The following ADAM18 variants were observed in gnomAD, a reference collection of about 807,000 sequenced individuals.
ADAM18 encodes ADAM metallopeptidase domain 18.
Under a neutral mutation model 94.4 loss-of-function variants are expected in ADAM18, and 117 were observed. The ratio of observed to expected loss-of-function variants is 1.24; its 90% CI spans 1.07 to 1.45. ADAM18 has a LOEUF of 1.45. Among genes scored for constraint, ADAM18 ranks in the 40% most tolerant of loss-of-function variants. The probability of loss-of-function intolerance (pLI) is 0.00; values close to 1 mark genes in which losing one functional copy is unlikely to be tolerated. For synonymous variants in ADAM18, 327 were observed against 291.6 expected, an observed-to-expected ratio of 1.12 and a Z score of -1.24; for missense variants, 936 against 880.0, an observed-to-expected ratio of 1.06 and a Z score of -0.81.
intron 2 of ADAM18, among the ~76,000 whole-genome samples, chr8:39,601,336 G>A (rs540336818): frequency 1.3e-5 from 2 of 152,220 alleles, no homozygotes; most frequent in Non-Finnish European, 2.9e-5. Flanking sequence ...TCTCAGTGAA[G>A]TGTTTACATC....
chr8:39,680,112 T>G lies in ADAM18; in HGVS notation c.1707T>G (p.Val569=). The part of the protein sequence containing the change: ...NANKSDAQST[V]YSYIQDHVCV... ...ATAAAAGTGACGCTCAATCTACAGT[T>G]TATTCATATATTCAAGACCATGTAT... is the stretch of plus-strand genomic sequence containing the variant. Residue 569 remains valine (V), a synonymous_variant, in exon 16 of 20, where the codon GTT becomes GTG. Transcript: ENST00000265707. 6.2e-7 allele frequency: 1 copy of G among 1,613,920 alleles called. No individual in the cohort carries two copies.
intron 17 of ADAM18, among the ~76,000 whole-genome samples, chr8:39,703,466 C>T (rs1822145785): frequency 6.6e-6 from 1 of 151,944 alleles, no homozygotes; most frequent in Non-Finnish European, 1.5e-5. Context: ...TATTTTAATG[C>T]CTTTATTTCT....
At chr8:39,711,118 A>G (rs932052710) in intron 18 of ADAM18, among the ~76,000 whole-genome samples, 1 of 152,150 alleles carries the variant, frequency 6.6e-6, no homozygotes, top group East Asian at 1.9e-4. Flanking sequence ...CCTGTTTTCC[A>G]AAAAGTCACT....
rs1037495428 is a variant in ADAM18, at chr8:39,585,313, G to C, written c.93G>C (p.Arg31=). The C allele has an allele frequency of 1.9e-6, 3 of 1,613,548 alleles. No individual in the cohort carries two copies. In the African/African-American group the frequency reaches 4.0e-5, roughly 22 times the overall value. ...EGIFLHVTVP[R]KIKSNDSEVS... ...TATTTCTGCATGTCACAGTTCCACGGAAGATTAAGTCAAATGACAGTGAAG... is the reference window on the plus strand; with the variant it reads ...TATTTCTGCATGTCACAGTTCCACGCAAGATTAAGTCAAATGACAGTGAAG... Residue 31 remains arginine, a synonymous_variant, in exon 2 of 20, where the codon CGG becomes CGC. Coordinates refer to ENST00000265707, the MANE Select transcript of ADAM18 (RefSeq NM_014237.3).
At chr8:39,597,636 T>G (rs910450854) in intron 2 of ADAM18, among the ~76,000 whole-genome samples, 19 of 152,188 alleles carry the variant, frequency 1.2e-4, no homozygotes, top group African/African-American at 4.3e-4. Flanking sequence ...ATTATTCTAT[T>G]TGTTTATTCT....
At chr8:39,584,737 T>G in intron 1 of ADAM18, 60 bp downstream of exon 1, 1 of 1,574,196 alleles carries the variant, frequency 6.4e-7, no homozygotes, top group Non-Finnish European at 8.7e-7. Flanking sequence ...GGGCTCTTAC[T>G]GGGAGCAGTT....
intron 6 of ADAM18, among the ~76,000 whole-genome samples, chr8:39,620,375 C>CAAAAAAAAAAAAAAAAAAA (rs376218269): frequency 1.1e-5 from 1 of 88,796 alleles, no homozygotes; most frequent in Non-Finnish European, 2.0e-5. Context: ...AAAAAAAAAA[C>CAAAAAAAAAAAAAAAAAAA]AAAAAAAAAT....
intron 7 of ADAM18, among the ~76,000 whole-genome samples, chr8:39,630,231 T>G (rs1458733156): frequency 6.6e-6 from 1 of 151,728 alleles, no homozygotes; most frequent in African/African-American, 2.4e-5. Context: ...TTTTTAAAAT[T>G]AGTACTATTA....
chr8:39,727,649 C>T (rs186166482), intron 19 of ADAM18, among the ~76,000 whole-genome samples: 1 of 152,278 alleles, frequency 6.6e-6, no homozygotes, highest in East Asian at 1.9e-4. Flanking sequence ...GAGACCTTGG[C>T]AGCCTGGACT....
At position 39,695,797 on chromosome 8, in the gene ADAM18, A is replaced by G. The variant is rs1288251072; in HGVS notation, c.1902+3117A>G. ...TTTAAGCTGAAAACTATATCATTGT[A>G]TGTATATACCACATTTTGTTCATCC... On this transcript the variant is annotated intron_variant, in intron 17 of 19. Transcript: ENST00000265707. 1.3e-5 allele frequency among the ~76,000 whole-genome samples: 2 copies of G among 151,382 alleles called. 1 individual carries two copies. Among genetic ancestry groups the G allele is most frequent in the African/African-American group, 4.8e-5 (2 of 41,372 alleles).
intron 10 of ADAM18, among the ~76,000 whole-genome samples, chr8:39,643,450 C>T (rs1404102029): frequency 6.6e-6 from 1 of 152,012 alleles, no homozygotes; most frequent in Non-Finnish European, 1.5e-5. Flanking sequence ...TTCCCCATTC[C>T]TGGGCACTTT....
intron 10 of ADAM18, among the ~76,000 whole-genome samples, chr8:39,640,730 G>A (rs1232405490): frequency 6.6e-6 from 1 of 152,030 alleles, no homozygotes; most frequent in Non-Finnish European, 1.5e-5. Flanking sequence ...TCTGACTGAT[G>A]TAAGGTGCTA....
intron 7 of ADAM18, among the ~76,000 whole-genome samples, chr8:39,636,881 A>G (rs1820087352): frequency 6.6e-6 from 1 of 151,666 alleles, no homozygotes; most frequent in South Asian, 2.1e-4. Context: ...TACCACATAT[A>G]AGTGAGATCA....
intron 17 of ADAM18, among the ~76,000 whole-genome samples, chr8:39,699,370 TTTA>T (rs1290304067): frequency 6.6e-6 from 1 of 152,092 alleles, no homozygotes; most frequent in Non-Finnish European, 1.5e-5. Flanking sequence ...TGAATTATTT[TTTA>T]TTATTTAATT....
intron 17 of ADAM18, among the ~76,000 whole-genome samples, chr8:39,700,471 A>T (rs1400203704): frequency 2.0e-5 from 3 of 152,206 alleles, no homozygotes; most frequent in Non-Finnish European, 4.4e-5. Flanking sequence ...AAAAATGTAC[A>T]TAGAACTTTT....
intron 18 of ADAM18, among the ~76,000 whole-genome samples, chr8:39,713,597 A>G (rs991963658): frequency 6.6e-6 from 1 of 152,204 alleles, no homozygotes; most frequent in Non-Finnish European, 1.5e-5. Context: ...TTTACAAGAA[A>G]AAAACAAACA....
intron 16 of ADAM18, among the ~76,000 whole-genome samples, chr8:39,687,537 G>C (rs561073757): frequency 5.3e-5 from 8 of 152,260 alleles, no homozygotes; most frequent in African/African-American, 1.9e-4. Context: ...ACATGACACT[G>C]AGGCTTGGTG....
In ADAM18 at chr8:39,585,332, A is replaced by G. The variant is rs1818367243; in HGVS notation, c.112A>G (p.Ser38Gly). 2 of 1,613,358 alleles carry G rather than the reference A, an allele frequency of 1.2e-6. No individual in the cohort carries two copies. Residue 38 changes from serine to glycine, a missense_variant, in exon 2 of 20, where the codon AGT becomes GGT. Physicochemically the swap from Ser to Gly is moderately conservative, Grantham distance 56 (BLOSUM62 0). Transcript: ENST00000265707. The part of the protein sequence containing the change: ...TVPRKIKSND[S>G]EVSERKMIYI... The stretch of plus-strand genomic sequence containing the variant: ...TCCACGGAAGATTAAGTCAAATGAC[A>G]GTGAAGTTTCAGAGAGGAAGGTAAA...
At chr8:39,607,705 A>C (rs531399568) in intron 3 of ADAM18, among the ~76,000 whole-genome samples, 1 of 151,082 alleles carries the variant, frequency 6.6e-6, no homozygotes, top group Non-Finnish European at 1.5e-5. Flanking sequence ...TGGGTACTTC[A>C]GTGCTCTCTC....
Sources: gnomAD v4.1 joint callset for allele counts (sites outside exome capture counted in the v4.1 genomes callset) on GRCh38, gnomAD v4.1.1 for gene constraint, MANE v1.5 for transcripts, NCBI Gene and HGNC (gene_info 2026-07-23, HGNC 2026-07-21) for gene names.